Variants in KHDRBS3 observed in about 807,000 individuals in gnomAD.
The protein encoded by KHDRBS3 is KH domain-containing, RNA-binding, signal transduction-associated protein 3.
KHDRBS3 carries 23 observed loss-of-function variants against 45.6 expected under a neutral mutation model. That is an observed-to-expected ratio of 0.50 (90% confidence interval 0.36 to 0.72). KHDRBS3 has a LOEUF of 0.72. Among genes scored for constraint, KHDRBS3 ranks in the 30% least tolerant of loss-of-function variants. KHDRBS3 has a pLI of 0.00. For missense variants in KHDRBS3, 352 were observed against 424.8 expected, an observed-to-expected ratio of 0.83 and a Z score of 1.51; for synonymous variants, 162 against 156.5, an observed-to-expected ratio of 1.04 and a Z score of -0.26.
intron 2 of KHDRBS3, among the ~76,000 whole-genome samples, chr8:135,523,321 GAT>G (rs1348837939): frequency 2.6e-5 from 4 of 152,100 alleles, no homozygotes; most frequent in African/African-American, 9.7e-5. Flanking sequence ...TACTTTTTAA[GAT>G]AGGAGTTTTG....
Position 135,457,914 on chromosome 8 carries a change from G to C in KHDRBS3, c.48G>C (p.Leu16=). The change falls in exon 1 of 9, where the codon CTG becomes CTC. Residue 16 remains leucine, a synonymous_variant. Transcript: ENST00000355849. This position sits in a 1 kb window ranked among gnomAD's most constrained non-coding sequence, Gnocchi z 4.4. ...AGCTGATGGCGGAGAAGGACTCCCT[G>C]GACCCCTCCTTCACGCACGCCCTGC... is the stretch of plus-strand genomic sequence containing the variant. ...LPELMAEKDS[L]DPSFTHALRL... 1 of 1,603,418 alleles carries C rather than the reference G, an allele frequency of 6.2e-7. No individual in the cohort carries two copies. The highest frequency in any genetic ancestry group is 8.5e-7 in the Non-Finnish European group (1 of 1,175,728).
rs1387280638 is a variant in KHDRBS3, at chr8:135,557,583, AC to A, written c.609del (p.Arg204GlyfsTer14). On this transcript the variant is annotated frameshift_variant, in exon 5 of 9. Coordinates refer to ENST00000355849, the MANE Select transcript of KHDRBS3 (RefSeq NM_006558.3). LOFTEE classifies it high-confidence loss of function. ...AAGAGGTGTACCAGCCCCAGCAATA[AC>A]CAGGTAGGTGTAAATTTTTTTTTAG... ...RTRGVPAPAI[T>X]RGRGGVTARP... The A allele has an allele frequency of 6.2e-7, 1 of 1,610,232 alleles. No homozygotes were observed. Among genetic ancestry groups the A allele is most frequent in the Non-Finnish European group, 8.5e-7 (1 of 1,178,352 alleles).
intron 1 of KHDRBS3, among the ~76,000 whole-genome samples, chr8:135,503,492 G>T (rs533800076): frequency 6.6e-6 from 1 of 151,998 alleles, no homozygotes; most frequent in African/African-American, 2.4e-5. Flanking sequence ...GGCCTCCTGC[G>T]TTGGAATTGC....
intron 4 of KHDRBS3, among the ~76,000 whole-genome samples, chr8:135,654,110 A>G (rs1399351951): frequency 2.6e-5 from 4 of 152,220 alleles, no homozygotes; most frequent in Non-Finnish European, 5.9e-5. Context: ...AGAAAACAAT[A>G]TACCATTTTC....
chr8:135,536,999 G>GAAAAAAAAAA (rs1375807666), intron 2 of KHDRBS3, among the ~76,000 whole-genome samples: 17 of 29,408 alleles, frequency 5.8e-4, no homozygotes, highest in African/African-American at 1.3e-3. Context: ...AAAAAAAAAG[G>GAAAAAAAAAA]AGATGTTTAG....
chr8:135,542,386 A>T (rs1263451789), intron 2 of KHDRBS3: 1 of 369,076 alleles, frequency 2.7e-6, no homozygotes, highest in Non-Finnish European at 4.9e-6. Flanking sequence ...GCAACCGAGG[A>T]ATTCTGGGAA....
rs183711249 is a variant in KHDRBS3, at chr8:135,530,160, C to G, written c.207+8805C>G. Among the ~76,000 whole-genome samples, 64 of 152,100 alleles carry G rather than the reference C, an allele frequency of 4.2e-4. 1 individual carries two copies. Among genetic ancestry groups the G allele is most frequent in the African/African-American group, 1.5e-3 (61 of 41,482 alleles). On this transcript the variant is annotated intron_variant, in intron 2 of 8. Coordinates refer to ENST00000355849, the MANE Select transcript of KHDRBS3 (RefSeq NM_006558.3). Reference sequence around the variant, plus strand: ...TGAGGGTACATCATAGAGGATATATCTCTATGTCTATTGCTGAACCAAAAA... The same window carrying G: ...TGAGGGTACATCATAGAGGATATATGTCTATGTCTATTGCTGAACCAAAAA...
rs1831493193 is a variant in KHDRBS3 at position 135,654,524 on chromosome 8, G to A, written c.*118-1702G>A. ...AAAATGGTCTTTTATACACAGCATG[G>A]CGTCTGGCATGTGGCAGGCTGGTTA... On this transcript the variant is annotated intron_variant and NMD_transcript_variant, in intron 4 of 4. Transcript: ENST00000521461. Among the ~76,000 whole-genome samples the A allele has an allele frequency of 2.6e-5, 4 of 152,110 alleles. No individual in the cohort carries two copies. The South Asian group carries it at 8.3e-4, about 32-fold the overall frequency.
At chr8:135,598,825 G>C (rs142819691) in intron 6 of KHDRBS3, among the ~76,000 whole-genome samples, 8 of 152,218 alleles carry the variant, frequency 5.3e-5, no homozygotes, top group African/African-American at 1.9e-4. Context: ...TTAACGTTGC[G>C]TTTTATATGA....
intron 5 of KHDRBS3, among the ~76,000 whole-genome samples, chr8:135,569,736 C>T (rs1458694536): frequency 6.6e-6 from 1 of 152,134 alleles, no homozygotes; most frequent in Non-Finnish European, 1.5e-5. Flanking sequence ...ACAACAGGGC[C>T]TGCGGCACAG....
chr8:135,631,757 A>G (rs1004059639), intron 7 of KHDRBS3, among the ~76,000 whole-genome samples: 1 of 152,226 alleles, frequency 6.6e-6, no homozygotes, highest in African/African-American at 2.4e-5. Flanking sequence ...TAGAAGGAAT[A>G]TACTCTAAAG....
intron 5 of KHDRBS3, among the ~76,000 whole-genome samples, chr8:135,569,469 G>A (rs1827592973): frequency 6.6e-6 from 1 of 152,168 alleles, no homozygotes; most frequent in Non-Finnish European, 1.5e-5. Flanking sequence ...AAATTAAGTA[G>A]CAACATCAAA....
In KHDRBS3 at chr8:135,531,175, T is replaced by C. The variant is rs534195744; in HGVS notation, c.207+9820T>C. ...GTGTGCCTGTGTGTGTGCATGTCTA[T>C]GTTTTTTTTGCTCATATTATATTCT... is the stretch of plus-strand genomic sequence containing the variant. On this transcript the variant is annotated intron_variant, in intron 2 of 8. Coordinates refer to ENST00000355849, the MANE Select transcript of KHDRBS3 (RefSeq NM_006558.3). Among the ~76,000 whole-genome samples the C allele has an allele frequency of 2.0e-5, 3 of 152,336 alleles. No individual in the cohort carries two copies. The South Asian group carries it at 6.2e-4, about 32-fold the overall frequency.
chr8:135,642,795 CT>C (rs35011503), intron 7 of KHDRBS3, among the ~76,000 whole-genome samples: 1,510 of 143,706 alleles, frequency 0.011, 22 homozygotes, highest in African/African-American at 0.034. Context: ...AGGCATTTGT[CT>C]TTTTTTTTTT....
At chr8:135,481,223 G>GAGATATATATATATATAT (rs376347444) in intron 1 of KHDRBS3, among the ~76,000 whole-genome samples, 1 of 77,406 alleles carries the variant, frequency 1.3e-5, no homozygotes, top group African/African-American at 4.9e-5. Flanking sequence ...TGAAAGCCAC[G>GAGATATATATATATATAT]ATATATATAT....
At chr8:135,595,731 T>C (rs1828944330) in intron 6 of KHDRBS3, among the ~76,000 whole-genome samples, 1 of 152,192 alleles carries the variant, frequency 6.6e-6, no homozygotes, top group Non-Finnish European at 1.5e-5. Context: ...GAGGGGCTGT[T>C]GTTCTCAAGG....
intron 3 of KHDRBS3, among the ~76,000 whole-genome samples, chr8:135,548,321 A>C (rs894807110): frequency 2.0e-5 from 3 of 152,238 alleles, no homozygotes; most frequent in Admixed American, 2.0e-4. Context: ...TCAGATAGTG[A>C]TAAGTGCCTT....
At chr8:135,537,433 A>G (rs1479481220) in intron 2 of KHDRBS3, among the ~76,000 whole-genome samples, 2 of 152,228 alleles carry the variant, frequency 1.3e-5, no homozygotes, top group African/African-American at 4.8e-5. Flanking sequence ...ATTATAGTTT[A>G]GATCAATTAA....
chr8:135,457,818 G>A lies in KHDRBS3; in HGVS notation c.-49G>A. On this transcript the variant is annotated 5_prime_UTR_variant, in exon 1 of 9. Coordinates refer to ENST00000355849, the MANE Select transcript of KHDRBS3 (RefSeq NM_006558.3). This position sits in a 1 kb window ranked among gnomAD's most constrained non-coding sequence, Gnocchi z 4.4. The stretch of plus-strand genomic sequence containing the variant: ...GCGGGGTCGGGGGTTGCCGGGCGCC[G>A]CCCCCCGTGCGCCTGGAGTCCACAT... The A allele has an allele frequency of 1.5e-6, 2 of 1,306,206 alleles. No homozygotes were observed. Among genetic ancestry groups the A allele is most frequent in the East Asian group, 3.3e-5 (1 of 30,698 alleles). 80.9% of individuals were successfully genotyped at this position (1,306,206 alleles called of 1,614,324 possible). A position where few individuals can be genotyped will look rare whatever the true frequency, so the allele number is the denominator to read the frequency against.
Sources: allele counts gnomAD v4.1 joint callset (sites outside exome capture counted in the v4.1 genomes callset), GRCh38; gene constraint gnomAD v4.1.1; non-coding constraint Gnocchi (gnomAD v3.1); transcripts MANE v1.5; gene names NCBI Gene and HGNC (gene_info 2026-07-23, HGNC 2026-07-21).